Variants in WDFY4 observed in about 807,000 individuals in gnomAD.
WDFY4 encodes the protein WDFY family member 4.
WDFY4 carries 169 observed loss-of-function variants against 351.9 expected under a neutral mutation model. The ratio of observed to expected loss-of-function variants is 0.48; its 90% CI spans 0.42 to 0.55. The LOEUF (loss-of-function observed/expected upper bound fraction) is 0.55, where lower values mean the gene tolerates loss of function less well. WDFY4 is among the 20% of genes least tolerant of loss of function. The probability of loss-of-function intolerance (pLI) is 0.00; values close to 1 mark genes in which losing one functional copy is unlikely to be tolerated. For synonymous variants in WDFY4, 1,622 were observed against 1,574.6 expected, an observed-to-expected ratio of 1.03 and a Z score of -0.71; for missense variants, 3,803 against 3,935.6, an observed-to-expected ratio of 0.97 and a Z score of 0.90.
At chr10:48,739,012 G>A (rs1354247266) in intron 11 of WDFY4, among the ~76,000 whole-genome samples, 2 of 152,222 alleles carry the variant, frequency 1.3e-5, no homozygotes, top group African/African-American at 4.8e-5. Context: ...AATGATAACT[G>A]AGTTAAAGAA....
In WDFY4 at chr10:48,788,591, T is replaced by G. The variant is rs2066574049; in HGVS notation, c.3870T>G (p.Leu1290=). ...FVAEERVSFG[L]HIASSSITSV... ...CAGAAGAAAGAGTTTCTTTTGGACTTCACATAGCCAGCTCCTCTATCACCA... is the reference window on the plus strand; with the variant it reads ...CAGAAGAAAGAGTTTCTTTTGGACTGCACATAGCCAGCTCCTCTATCACCA... The change falls in exon 21 of 62, where the codon CTT becomes CTG. Residue 1290 remains leucine, a synonymous_variant. Coordinates refer to ENST00000325239, the MANE Select transcript of WDFY4 (RefSeq NM_001394531.1). The G allele has an allele frequency of 6.4e-7, 1 of 1,551,888 alleles. No individual in the cohort carries two copies. Among genetic ancestry groups the G allele is most frequent in the Non-Finnish European group, 8.7e-7 (1 of 1,147,006 alleles).
intron 51 of WDFY4, among the ~76,000 whole-genome samples, chr10:48,955,657 A>G (rs1841552156): frequency 6.6e-6 from 1 of 152,210 alleles, no homozygotes. Context: ...CCAAATGGAA[A>G]CACCAATTCC....
intron 44 of WDFY4, 74 bp from the exon 45 acceptor site, chr10:48,897,380 G>A: frequency 6.6e-7 from 1 of 1,509,802 alleles, no homozygotes; most frequent in Non-Finnish European, 8.9e-7. Context: ...TGGAGGGCAG[G>A]AAGAAGAAGA....
chr10:48,723,346 A>G (rs936791939), intron 4 of WDFY4, 87 bp from the exon 5 acceptor site: 142 of 1,478,620 alleles, frequency 9.6e-5, no homozygotes, highest in Non-Finnish European at 1.3e-4. Flanking sequence ...GCCTCACTGA[A>G]ATGGCTGCAG....
Position 48,981,428 on chromosome 10 carries a change from A to G in WDFY4, c.9438A>G (p.Thr3146=). 1 of 1,551,750 alleles carries G rather than the reference A, an allele frequency of 6.4e-7. No individual in the cohort carries two copies. The highest frequency in any genetic ancestry group is 8.7e-7 in the Non-Finnish European group (1 of 1,147,004). The change falls in exon 61 of 62, where the codon ACA becomes ACG. Residue 3146 remains threonine (T), a synonymous_variant. Coordinates refer to ENST00000325239, the MANE Select transcript of WDFY4 (RefSeq NM_001394531.1). ...AGCTGGACGTTAGCATTGCTTTGACAGGGAAGCCCAGCAAAACCAGCCCCG... is the reference window on the plus strand; with the variant it reads ...AGCTGGACGTTAGCATTGCTTTGACGGGGAAGCCCAGCAAAACCAGCCCCG... ...SRELDVSIAL[T]GKPSKTSPAV...
intron 10 of WDFY4, among the ~76,000 whole-genome samples, chr10:48,734,728 C>T (rs1370175009): frequency 6.6e-6 from 1 of 151,446 alleles, no homozygotes; most frequent in African/African-American, 2.4e-5. Flanking sequence ...TTCCTAGGCT[C>T]ACAGCCAGAC....
chr10:48,844,065 C>T (rs111864733), intron 39 of WDFY4, among the ~76,000 whole-genome samples: 17 of 152,352 alleles, frequency 1.1e-4, no homozygotes, highest in African/African-American at 4.1e-4. Context: ...GGCCGCCTGG[C>T]GCCTGCCGCC....
chr10:48,758,147 TC>T (rs2065390769), intron 12 of WDFY4, among the ~76,000 whole-genome samples: 1 of 152,182 alleles, frequency 6.6e-6, no homozygotes, highest in Non-Finnish European at 1.5e-5. Flanking sequence ...GAATCTGTCT[TC>T]CTTCATCTGG....
intron 12 of WDFY4, among the ~76,000 whole-genome samples, chr10:48,758,602 T>C (rs2065405179): frequency 6.6e-6 from 1 of 152,196 alleles, no homozygotes; most frequent in South Asian, 2.1e-4. Flanking sequence ...TTATTTTTAG[T>C]AATCTTTTTC....
At chr10:48,787,893 CCTTCTT>C (rs1182060101) in intron 20 of WDFY4, among the ~76,000 whole-genome samples, 613 of 47,954 alleles carry the variant, frequency 0.013, 2 homozygotes, top group Middle Eastern at 0.028. Flanking sequence ...TTCTTCTTCT[CCTTCTT>C]CTTCTTCTTC....
At chr10:48,754,666 C>T (rs969705192) in intron 12 of WDFY4, among the ~76,000 whole-genome samples, 2 of 151,944 alleles carry the variant, frequency 1.3e-5, no homozygotes, top group East Asian at 1.9e-4. Context: ...ACACCCTTCC[C>T]CTCACACCCA....
intron 47 of WDFY4, among the ~76,000 whole-genome samples, chr10:48,908,619 G>T (rs1362482448): frequency 6.8e-6 from 1 of 146,302 alleles, no homozygotes; most frequent in Non-Finnish European, 1.5e-5. Context: ...TTGCATCTAG[G>T]CTGTAAGATT....
At chr10:48,898,924 GC>G (rs1484720384) in intron 45 of WDFY4, among the ~76,000 whole-genome samples, 1 of 151,044 alleles carries the variant, frequency 6.6e-6, no homozygotes, top group African/African-American at 2.5e-5. Flanking sequence ...CCTTCAGTGA[GC>G]GGGAGGCCGT....
Position 48,742,995 on chromosome 10 carries a change from A to C in WDFY4, c.1906A>C (p.Lys636Gln). 1 of 1,550,038 alleles carries C rather than the reference A, an allele frequency of 6.5e-7. No individual in the cohort carries two copies. Among genetic ancestry groups the C allele is most frequent in the Non-Finnish European group, 8.7e-7 (1 of 1,146,598 alleles). The change falls in exon 12 of 62, where the codon AAG becomes CAG. Residue 636 changes from lysine (K) to glutamine (Q), a missense_variant. Around this residue, in one of 3 missense-constraint regions of WDFY4, gnomAD observed 261 missense variants for 330.2 expected, o/e 0.79. Transcript: ENST00000325239. ...KSLLRILVTP[K>Q]GRAAFRVSSG... is the part of the protein sequence containing the mutation. ...TCTGCTCCGGATCCTGGTGACCCCC[A>C]AGGGTCGTGCTGCCTTCAGAGTCTC...
At chr10:48,816,682 C>A (rs1462075789) in intron 31 of WDFY4, among the ~76,000 whole-genome samples, 1 of 152,100 alleles carries the variant, frequency 6.6e-6, no homozygotes, top group Non-Finnish European at 1.5e-5. Flanking sequence ...GAATCACATG[C>A]AAGCATTTAA....
At chr10:48,896,388 G>C (rs1029758901) in intron 44 of WDFY4, among the ~76,000 whole-genome samples, 2 of 152,162 alleles carry the variant, frequency 1.3e-5, no homozygotes, top group African/African-American at 2.4e-5. Flanking sequence ...AGATGTTTAG[G>C]GGCAGCTCAG....
intron 47 of WDFY4, among the ~76,000 whole-genome samples, chr10:48,923,496 G>GA (rs1839279164): frequency 1.6e-5 from 1 of 63,214 alleles, no homozygotes; most frequent in Admixed American, 2.2e-4. Context: ...ATAGTTTTTA[G>GA]TATATATATA....
chr10:48,722,669 G>T (rs554696684), intron 4 of WDFY4, among the ~76,000 whole-genome samples: 3 of 150,768 alleles, frequency 2.0e-5, no homozygotes, highest in African/African-American at 7.3e-5. Context: ...ACACACACAC[G>T]TGCACACACA....
At chr10:48,726,909 TC>T (rs1008224369) in intron 6 of WDFY4, among the ~76,000 whole-genome samples, 1 of 152,040 alleles carries the variant, frequency 6.6e-6, no homozygotes, top group Non-Finnish European at 1.5e-5. Context: ...ACTCAAATCT[TC>T]CCCTGGCTCC....
Sources: allele counts gnomAD v4.1 joint callset (sites outside exome capture counted in the v4.1 genomes callset), GRCh38; gene constraint gnomAD v4.1.1; regional missense constraint gnomAD v4.1.1; transcripts MANE v1.5; gene names NCBI Gene and HGNC (gene_info 2026-07-23, HGNC 2026-07-21).